The following KCNQ1 variants were observed in gnomAD, a reference collection of about 807,000 sequenced individuals.
KCNQ1 encodes potassium voltage-gated channel subfamily Q member 1, also known as potassium voltage-gated channel subfamily KQT member 1.
In KCNQ1, 49 loss-of-function variants were observed where a neutral mutation model predicts 72.4. The observed-to-expected ratio is 0.68, with a 90% CI of 0.54 to 0.86. The LOEUF (loss-of-function observed/expected upper bound fraction) is 0.86, where lower values mean the gene tolerates loss of function less well. Among genes scored for constraint, KCNQ1 ranks in the 40% least tolerant of loss-of-function variants. The pLI is 0.00. For synonymous variants in KCNQ1, 450 were observed against 412.6 expected (o/e 1.09, Z -1.10); for missense variants, 790 against 945.1 (o/e 0.84, Z 2.15).
rs1590078875 is a variant in KCNQ1, at chr11:2,772,102, A to G, written c.1590+3183A>G. ...GCTCTTATTGCTGGGAGCAGCATGGAGGGGTGGGGCCAGGGTGAGGGGAGC... is the reference window on the plus strand; with the variant it reads ...GCTCTTATTGCTGGGAGCAGCATGGGGGGGTGGGGCCAGGGTGAGGGGAGC... On this transcript the variant is annotated intron_variant, in intron 12 of 15. Transcript: ENST00000155840. The surrounding 1 kb of genome is among the most constrained non-coding windows in gnomAD (Gnocchi z 6.6). Among the ~76,000 whole-genome samples the G allele has an allele frequency of 6.6e-6, 1 of 152,182 alleles. No homozygotes were observed. The highest frequency in any genetic ancestry group is 1.5e-5 in the Non-Finnish European group (1 of 67,954).
At chr11:2,714,189 C>T (rs565747250) in intron 11 of KCNQ1, among the ~76,000 whole-genome samples, 58 of 152,358 alleles carry the variant, frequency 3.8e-4, no homozygotes, top group South Asian at 3.7e-3. Flanking sequence ...TCCATCTCAT[C>T]CACAGGATAA....
In KCNQ1 at chr11:2,587,584, C is replaced by G. The variant is rs1848610060; in HGVS notation, c.1143C>G (p.Cys381Trp). ...CCCGACCTCAGACCGCATGGAGGTG[C>G]TATGCTGCCGAGAACCCCGACTCCT... Reference protein sequence around the residue: ...AASLIQTAWRCYAAENPDSST... With the variant: ...AASLIQTAWRWYAAENPDSST... The change falls in exon 9 of 16, where the codon TGC (cysteine) becomes TGG (tryptophan). Residue 381 changes from cysteine (C) to tryptophan (W), a missense_variant. This residue lies in a region of KCNQ1 where 178 missense variants were observed against 177.9 expected (regional missense o/e 1.00). Transcript: ENST00000155840. The G allele has an allele frequency of 6.2e-7, 1 of 1,613,828 alleles. No individual in the cohort carries two copies. The highest frequency in any genetic ancestry group is 8.5e-7 in the Non-Finnish European group (1 of 1,180,016).
chr11:2,795,515 G>C (rs1847113102), intron 15 of KCNQ1, among the ~76,000 whole-genome samples: 1 of 152,192 alleles, frequency 6.6e-6, no homozygotes, highest in Non-Finnish European at 1.5e-5. Flanking sequence ...CCCAGAGTGG[G>C]CCCCACGGAG....
At chr11:2,504,435 T>C (rs1043572637) in intron 1 of KCNQ1, among the ~76,000 whole-genome samples, 8 of 152,022 alleles carry the variant, frequency 5.3e-5, no homozygotes, top group African/African-American at 1.7e-4. Context: ...GTGACTATAG[T>C]CAATGATTTA....
Position 2,679,493 on chromosome 11 carries a change from G to C in KCNQ1, c.1514+17412G>C. 1 of 398,602 alleles carries C rather than the reference G, an allele frequency of 2.5e-6. No individual in the cohort carries two copies. The highest frequency in any genetic ancestry group is 3.6e-5 in the East Asian group (1 of 28,080). 24.7% of individuals were successfully genotyped at this position (398,602 alleles called of 1,614,324 possible). Reference sequence around the variant, plus strand: ...GCAGAAAAGTGCCTGTCCTATAGTAGTGACACAGTGTTACTTAAATGTATT... The same window carrying C: ...GCAGAAAAGTGCCTGTCCTATAGTACTGACACAGTGTTACTTAAATGTATT... On this transcript the variant is annotated intron_variant, in intron 11 of 15. Transcript: ENST00000155840. This position sits in a 1 kb window ranked among gnomAD's most constrained non-coding sequence, Gnocchi z 4.8.
Position 2,588,612 on chromosome 11 carries a change from G to T in KCNQ1, c.1252-101G>T. On this transcript the variant is annotated intron_variant, in intron 9 of 15. Transcript: ENST00000155840. The surrounding 1 kb of genome is among the most constrained non-coding windows in gnomAD (Gnocchi z 5.6). ...AGGTCCCTGTCCGGGTGTATGTGGC[G>T]GGGGCTGGGCTCGGGGCGGCTGCAC... 7.0e-7 allele frequency: 1 copy of T among 1,438,772 alleles called. No individual in the cohort carries two copies. 89.1% of individuals were successfully genotyped at this position (1,438,772 alleles called of 1,614,324 possible).
intron 10 of KCNQ1, chr11:2,614,934 G>A (rs1849037078): frequency 2.5e-6 from 1 of 398,310 alleles, no homozygotes; most frequent in Non-Finnish European, 4.4e-6. Context: ...AAATAAAAAG[G>A]CCCTTGGGAT....
intron 15 of KCNQ1, among the ~76,000 whole-genome samples, chr11:2,794,646 G>T (rs962749476): frequency 3.9e-5 from 6 of 152,138 alleles, no homozygotes; most frequent in Admixed American, 6.5e-5. Context: ...ATGCCGCATG[G>T]AGGGGCGTCA....
intron 10 of KCNQ1, chr11:2,630,296 G>C: frequency 2.5e-6 from 1 of 398,154 alleles, no homozygotes; most frequent in Non-Finnish European, 4.4e-6. Context: ...TTAATGTGCT[G>C]TTAAATTCAG....
intron 15 of KCNQ1, among the ~76,000 whole-genome samples, chr11:2,798,381 A>G (rs1406319391): frequency 2.0e-5 from 3 of 152,126 alleles, no homozygotes; most frequent in African/African-American, 7.2e-5. Flanking sequence ...TCACCTGCCC[A>G]TGGTCATCTG....
chr11:2,616,698 G>T, intron 10 of KCNQ1: 1 of 398,002 alleles, frequency 2.5e-6, no homozygotes, highest in Non-Finnish European at 4.4e-6. Context: ...TAATTTTTAG[G>T]TTTTTCTTCT....
Position 2,645,602 on chromosome 11 carries a change from G to C in KCNQ1, c.1394-16359G>C. 1 of 398,760 alleles carries C rather than the reference G, an allele frequency of 2.5e-6. No individual in the cohort carries two copies. Among genetic ancestry groups the C allele is most frequent in the Non-Finnish European group, 4.4e-6 (1 of 226,160 alleles). 24.7% of individuals were successfully genotyped at this position (398,760 alleles called of 1,614,324 possible). A position where few individuals can be genotyped will look rare whatever the true frequency, so the allele number is the denominator to read the frequency against. On this transcript the variant is annotated intron_variant, in intron 10 of 15. Coordinates refer to ENST00000155840, the MANE Select transcript of KCNQ1 (RefSeq NM_000218.3). The surrounding 1 kb of genome is among the most constrained non-coding windows in gnomAD (Gnocchi z 5.8). ...TTGGGCAATGCATGCTTCGGCCCCA[G>C]GTGGTGACTATGGGCAGGGTCACCT...
At chr11:2,575,166 C>A (rs1439251762) in intron 6 of KCNQ1, among the ~76,000 whole-genome samples, 1 of 152,190 alleles carries the variant, frequency 6.6e-6, no homozygotes, top group Non-Finnish European at 1.5e-5. Flanking sequence ...TACTCCCCAG[C>A]CCCCCAGCCC....
In KCNQ1 at chr11:2,848,029, C is replaced by T. The variant is rs886048166; in HGVS notation, c.*26C>T. The T allele has an allele frequency of 3.3e-6, 5 of 1,524,114 alleles. No homozygotes were observed. The African/African-American group carries it at 4.1e-5, about 13-fold the overall frequency. 94.4% of individuals were successfully genotyped at this position (1,524,114 alleles called of 1,614,324 possible). On this transcript the variant is annotated 3_prime_UTR_variant, in exon 16 of 16. Transcript: ENST00000155840. Reference sequence around the variant, plus strand: ...GGAGGGGATGGGGCTGGGGGATGGGCCTGAGTGAGAGGGGAGGCCAAGAGT... The same window carrying T: ...GGAGGGGATGGGGCTGGGGGATGGGTCTGAGTGAGAGGGGAGGCCAAGAGT...
chr11:2,594,344 C>A (rs1216050993), intron 10 of KCNQ1, among the ~76,000 whole-genome samples: 2 of 152,142 alleles, frequency 1.3e-5, no homozygotes, highest in African/African-American at 4.8e-5. Context: ...ACTTCAGAAA[C>A]CTTCCTTTTG....
rs768792902 is a variant in KCNQ1, at chr11:2,656,769, T to TA, written c.1394-5184dup. ...TCTCTCTCATGGTTATTGCTTCTTT[T>TA]AAAAAAAACCATCCTAATGCTGATG... On this transcript the variant is annotated intron_variant, in intron 10 of 15. Coordinates refer to ENST00000155840, the MANE Select transcript of KCNQ1 (RefSeq NM_000218.3). 2.1e-4 allele frequency: 83 copies of TA among 398,448 alleles called. No individual in the cohort carries two copies. Among genetic ancestry groups the TA allele is most frequent in the South Asian group, 1.9e-3 (15 of 7,842 alleles). The allele number at this position is 398,448 out of a possible 1,614,324, so 24.7% of individuals were successfully genotyped here. A position where few individuals can be genotyped will look rare whatever the true frequency, so the allele number is the denominator to read the frequency against.
intron 1 of KCNQ1, among the ~76,000 whole-genome samples, chr11:2,490,767 C>T (rs1846823961): frequency 6.6e-6 from 1 of 152,224 alleles, no homozygotes; most frequent in East Asian, 1.9e-4. Flanking sequence ...CAGCTCACCG[C>T]AACCTCTGTC....
At chr11:2,738,992 C>A (rs910113856) in intron 11 of KCNQ1, among the ~76,000 whole-genome samples, 4 of 152,180 alleles carry the variant, frequency 2.6e-5, no homozygotes, top group African/African-American at 9.7e-5. Flanking sequence ...CAGGTGGAGT[C>A]CAGGGGTCTG....
rs1025230424 is a variant in KCNQ1 at position 2,541,217 on chromosome 11, C to T, written c.477+13199C>T. On this transcript the variant is annotated intron_variant, in intron 2 of 15. Transcript: ENST00000155840. The surrounding 1 kb of genome is among the most constrained non-coding windows in gnomAD (Gnocchi z 4.8). ...TCAGCATGGGAAGCCTGGATGAGAA[C>T]AAAATGTCAAGTGTGTGCCGAGAGG... Among the ~76,000 whole-genome samples the T allele has an allele frequency of 6.6e-6, 1 of 152,256 alleles. No homozygotes were observed. The highest frequency in any genetic ancestry group is 1.5e-5 in the Non-Finnish European group (1 of 68,050).
Sources: allele counts gnomAD v4.1 joint callset (sites outside exome capture counted in the v4.1 genomes callset), GRCh38; gene constraint gnomAD v4.1.1; regional missense constraint gnomAD v4.1.1; non-coding constraint Gnocchi (gnomAD v3.1); transcripts MANE v1.5; gene names NCBI Gene and HGNC (gene_info 2026-07-23, HGNC 2026-07-21).